CA10: variants seen among roughly 807,000 people sequenced by gnomAD.
CA10 encodes the protein carbonic anhydrase 10 (inactive).
Under a neutral mutation model 44.2 loss-of-function variants are expected in CA10, and 14 were observed. The observed-to-expected ratio is 0.32, with a 90% CI of 0.21 to 0.50. The LOEUF (loss-of-function observed/expected upper bound fraction) is 0.50. Ranked by LOEUF, CA10 falls within the 20% of genes least tolerant of loss-of-function variation. The probability of loss-of-function intolerance (pLI) is 0.99; values close to 1 mark genes in which losing one functional copy is unlikely to be tolerated. For synonymous variants in CA10, 159 were observed against 141.6 expected (o/e 1.12, Z -0.87); for missense variants, 350 against 409.7 (o/e 0.85, Z 1.26).
At chr17:52,123,627 G>C (rs1323154449) in intron 1 of CA10, among the ~76,000 whole-genome samples, 1 of 152,128 alleles carries the variant, frequency 6.6e-6, no homozygotes, top group Non-Finnish European at 1.5e-5. Flanking sequence ...CAAAGCCATT[G>C]ATCGAAGCCT....
chr17:51,664,652 C>T (rs1914145641), intron 4 of CA10, among the ~76,000 whole-genome samples: 1 of 151,706 alleles, frequency 6.6e-6, no homozygotes, highest in Non-Finnish European at 1.5e-5. Flanking sequence ...AGGAAGACAG[C>T]TTCTAGATGA....
At chr17:51,783,867 G>A (rs1364962563) in intron 3 of CA10, among the ~76,000 whole-genome samples, 4 of 152,026 alleles carry the variant, frequency 2.6e-5, no homozygotes, top group Non-Finnish European at 4.4e-5. Flanking sequence ...TGAGGGGGCC[G>A]CTGAGCAGAC....
At chr17:52,157,632 C>T (rs1989835517) in intron 1 of CA10, 94 bp downstream of exon 1, 2 of 1,161,916 alleles carry the variant, frequency 1.7e-6, no homozygotes, top group Non-Finnish European at 2.6e-6. Flanking sequence ...CGCCACCCCT[C>T]TCTCTGCCCC....
intron 2 of CA10, among the ~76,000 whole-genome samples, chr17:51,950,856 G>A (rs546955764): frequency 3.3e-5 from 5 of 152,100 alleles, no homozygotes; most frequent in African/African-American, 9.6e-5. Flanking sequence ...GAAAATAGCC[G>A]AGCGCAGAGA....
At chr17:52,110,033 T>A (rs1336018097) in intron 1 of CA10, among the ~76,000 whole-genome samples, 1 of 152,202 alleles carries the variant, frequency 6.6e-6, no homozygotes, top group East Asian at 1.9e-4. Context: ...CTCATCCGCA[T>A]GACTATTCTG....
intron 2 of CA10, among the ~76,000 whole-genome samples, chr17:52,063,048 T>G (rs562769811): frequency 6.6e-6 from 1 of 152,354 alleles, no homozygotes; most frequent in Non-Finnish European, 1.5e-5. Flanking sequence ...CATATCAGTA[T>G]GCCCAGGATG....
At chr17:51,710,682 G>T (rs981814229) in intron 4 of CA10, among the ~76,000 whole-genome samples, 1 of 152,062 alleles carries the variant, frequency 6.6e-6, no homozygotes, top group Non-Finnish European at 1.5e-5. Flanking sequence ...AACATCCCCC[G>T]ACTGAGCTTC....
At chr17:52,072,202 T>A in intron 2 of CA10, 117 bp downstream of exon 2, 1 of 681,134 alleles carries the variant, frequency 1.5e-6, no homozygotes, top group Middle Eastern at 3.8e-4. Flanking sequence ...GATGGAGTAT[T>A]CATTGCACAC....
chr17:51,754,118 A>G (rs1382896747), intron 3 of CA10, among the ~76,000 whole-genome samples: 2 of 152,160 alleles, frequency 1.3e-5, no homozygotes, highest in East Asian at 3.9e-4. Flanking sequence ...TGCTGGGATT[A>G]CAGGCATGAG....
At chr17:51,768,766 C>T (rs7209391) in intron 3 of CA10, among the ~76,000 whole-genome samples, 1,926 of 152,312 alleles carry the variant, frequency 0.013, 40 homozygotes, top group African/African-American at 0.044. Flanking sequence ...CACTGCAAGT[C>T]ATGTAAGCTA....
intron 2 of CA10, among the ~76,000 whole-genome samples, chr17:51,989,499 A>G (rs188584420): frequency 6.6e-6 from 1 of 152,218 alleles, no homozygotes; most frequent in Admixed American, 6.6e-5. Flanking sequence ...AGGCACATGC[A>G]TGAGTATGTT....
chr17:51,759,428 T>G (rs1905159588), intron 3 of CA10, among the ~76,000 whole-genome samples: 1 of 148,138 alleles, frequency 6.8e-6, no homozygotes, highest in Non-Finnish European at 1.5e-5. Flanking sequence ...ATATTTAATA[T>G]ATGTAAATAT....
intron 2 of CA10, among the ~76,000 whole-genome samples, chr17:51,999,992 T>C (rs546434463): frequency 2.0e-5 from 3 of 152,218 alleles, no homozygotes; most frequent in Non-Finnish European, 4.4e-5. Flanking sequence ...TAACTGTTTC[T>C]TAATCAATAA....
chr17:51,642,720 G>A (rs970855562), intron 6 of CA10, among the ~76,000 whole-genome samples: 1 of 152,042 alleles, frequency 6.6e-6, no homozygotes, highest in Non-Finnish European at 1.5e-5. Context: ...TTGGCTCACT[G>A]TAACCTCCGC....
At chr17:51,973,281 G>C (rs1984346665) in intron 2 of CA10, among the ~76,000 whole-genome samples, 1 of 152,208 alleles carries the variant, frequency 6.6e-6, no homozygotes, top group African/African-American at 2.4e-5. Flanking sequence ...TTGACATATG[G>C]AGTGGAGCCC....
intron 3 of CA10, among the ~76,000 whole-genome samples, chr17:51,820,414 C>CG (rs919973833): frequency 3.0e-5 from 3 of 99,208 alleles, no homozygotes; most frequent in African/African-American, 8.5e-5. Flanking sequence ...TACCCCCCCC[C>CG]CCCCGCCCGC....
chr17:52,033,612 A>G (rs12949297), intron 2 of CA10, among the ~76,000 whole-genome samples: 50,119 of 152,116 alleles, frequency 0.33, 10,049 homozygotes, highest in East Asian at 0.74. Context: ...ATCAAAATAA[A>G]TAAGTCTCAA....
intron 4 of CA10, among the ~76,000 whole-genome samples, chr17:51,692,267 A>G (rs1915223681): frequency 7.0e-6 from 1 of 143,720 alleles, no homozygotes; most frequent in Non-Finnish European, 1.5e-5. Context: ...GCTATTGTAA[A>G]TGGGATTGAT....
At chr17:51,906,293 T>C (rs1332164494) in intron 3 of CA10, among the ~76,000 whole-genome samples, 1 of 152,162 alleles carries the variant, frequency 6.6e-6, no homozygotes, top group Non-Finnish European at 1.5e-5. Context: ...CCCCCGGTAT[T>C]CCACTGAAAC....
Sources: allele counts gnomAD v4.1 joint callset (sites outside exome capture counted in the v4.1 genomes callset), GRCh38; gene constraint gnomAD v4.1.1; transcripts MANE v1.5; gene names NCBI Gene and HGNC (gene_info 2026-07-23, HGNC 2026-07-21).